The following ERCC6L2 variants were observed in gnomAD, a reference collection of about 807,000 sequenced individuals.
ERCC6L2 encodes DNA excision repair protein ERCC-6-like 2.
In ERCC6L2, 77 loss-of-function variants were observed where a neutral mutation model predicts 132.0. That is an observed-to-expected ratio of 0.58 (90% CI 0.49 to 0.71). The LOEUF is 0.71. Ranked by LOEUF, ERCC6L2 falls within the 30% of genes least tolerant of loss-of-function variation. The pLI, the probability that ERCC6L2 is intolerant of heterozygous loss-of-function variation, is 0.00. For missense variants in ERCC6L2, 1,542 were observed against 1,837.6 expected, an observed-to-expected ratio of 0.84 and a Z score of 2.94; for synonymous variants, 583 against 632.4, an observed-to-expected ratio of 0.92 and a Z score of 1.17.
chr9:96,026,984 C>T (rs539922038), intron 19 of ERCC6L2, among the ~76,000 whole-genome samples: 4 of 149,646 alleles, frequency 2.7e-5, no homozygotes, highest in African/African-American at 9.9e-5. Flanking sequence ...ACACACCACA[C>T]ACACACCACA....
intron 19 of ERCC6L2, among the ~76,000 whole-genome samples, chr9:96,026,259 G>A (rs1427687095): frequency 6.6e-6 from 1 of 152,228 alleles, no homozygotes; most frequent in Admixed American, 6.5e-5. Flanking sequence ...TCTGCTGACG[G>A]GAACAGGCTC....
chr9:95,888,722 A>G (rs1255339902), intron 2 of ERCC6L2, among the ~76,000 whole-genome samples: 1 of 152,046 alleles, frequency 6.6e-6, no homozygotes, highest in African/African-American at 2.4e-5. Flanking sequence ...ATGTCAGTGG[A>G]GCTTGTGACT....
chr9:95,906,546 G>A, intron 3 of ERCC6L2: 5 of 427,438 alleles, frequency 1.2e-5, no homozygotes, highest in Non-Finnish European at 2.3e-5. Flanking sequence ...ACTGAGAGAA[G>A]TTCATCCAGG....
intron 6 of ERCC6L2, among the ~76,000 whole-genome samples, chr9:95,916,942 C>T (rs1314793596): frequency 6.6e-6 from 1 of 152,096 alleles, no homozygotes; most frequent in Non-Finnish European, 1.5e-5. Flanking sequence ...GCCTCGGTCT[C>T]CCAAAGTACT....
intron 13 of ERCC6L2, among the ~76,000 whole-genome samples, chr9:95,965,868 T>A (rs1263584667): frequency 6.6e-6 from 1 of 152,230 alleles, no homozygotes; most frequent in African/African-American, 2.4e-5. Flanking sequence ...TTTTCCATTC[T>A]GTGCATTCTT....
intron 4 of ERCC6L2, among the ~76,000 whole-genome samples, chr9:95,912,859 CTG>C (rs1244132293): frequency 6.6e-6 from 1 of 152,156 alleles, no homozygotes; most frequent in African/African-American, 2.4e-5. Flanking sequence ...CATCTGTCAT[CTG>C]TATTTTAGTA....
At chr9:95,898,852 A>C (rs1217181636) in intron 3 of ERCC6L2, among the ~76,000 whole-genome samples, 1 of 152,180 alleles carries the variant, frequency 6.6e-6, no homozygotes, top group African/African-American at 2.4e-5. Flanking sequence ...TTTCAGAACT[A>C]CTGGCTTAAG....
chr9:95,975,899 C>G (rs573320695), intron 16 of ERCC6L2, among the ~76,000 whole-genome samples: 7 of 152,092 alleles, frequency 4.6e-5, no homozygotes, highest in South Asian at 2.1e-4. Flanking sequence ...CTAAGTCTTT[C>G]CTAAGTTCTT....
At chr9:95,907,304 A>G (rs1195238411) in intron 4 of ERCC6L2, 33 bp downstream of exon 4, 4 of 1,307,210 alleles carry the variant, frequency 3.1e-6, no homozygotes, top group Admixed American at 2.2e-5. Flanking sequence ...GAATGATTGT[A>G]TTAATAGTCT....
chr9:95,904,724 C>T (rs1172611218), intron 3 of ERCC6L2, among the ~76,000 whole-genome samples: 2 of 152,096 alleles, frequency 1.3e-5, no homozygotes, highest in African/African-American at 2.4e-5. Flanking sequence ...AAAATTGTCA[C>T]GTTAATCTTT....
intron 14 of ERCC6L2, chr9:95,968,339 A>G (rs1309775297): frequency 6.6e-6 from 1 of 152,160 alleles, no homozygotes; most frequent in East Asian, 1.9e-4. Context: ...AAGGGGTGAC[A>G]AGGCCATCCA....
intron 13 of ERCC6L2, among the ~76,000 whole-genome samples, chr9:95,956,506 T>C (rs763441460): frequency 1.3e-5 from 2 of 152,154 alleles, no homozygotes; most frequent in Non-Finnish European, 2.9e-5. Context: ...TTCATTCTCA[T>C]GCTGCCATAA....
chr9:95,941,596 T>TA, intron 12 of ERCC6L2, 47 bp downstream of exon 12: 1 of 1,363,288 alleles, frequency 7.3e-7, no homozygotes, highest in Middle Eastern at 1.8e-4. Flanking sequence ...ACTTTTAATC[T>TA]AAAAATACTC....
chr9:95,879,581 A>G (rs1827481011), intron 1 of ERCC6L2, among the ~76,000 whole-genome samples: 1 of 152,082 alleles, frequency 6.6e-6, no homozygotes, highest in African/African-American at 2.4e-5. Flanking sequence ...ACATTAAAAC[A>G]CTCTTTTAGA....
At chr9:96,028,827 A>G (rs1380378319) in intron 19 of ERCC6L2, among the ~76,000 whole-genome samples, 1 of 152,240 alleles carries the variant, frequency 6.6e-6, no homozygotes, top group Admixed American at 6.5e-5. Context: ...ATGGATAAGT[A>G]TACGTCATAT....
chr9:95,950,624 G>A (rs1458789429), intron 12 of ERCC6L2, among the ~76,000 whole-genome samples: 1 of 152,104 alleles, frequency 6.6e-6, no homozygotes, highest in Non-Finnish European at 1.5e-5. Flanking sequence ...AATATACACA[G>A]GTTGAAAATA....
At position 96,025,202 on chromosome 9, in the gene ERCC6L2, T is replaced by C. The variant is rs1834344598; in HGVS notation, c.*1504-13674T>C. Among the ~76,000 whole-genome samples, 3 of 152,138 alleles carry C rather than the reference T, an allele frequency of 2.0e-5. No homozygotes were observed. In the South Asian group the frequency reaches 6.2e-4, roughly 32 times the overall value. On this transcript the variant is annotated intron_variant and NMD_transcript_variant, in intron 19 of 20. Coordinates refer to the ERCC6L2 transcript ENST00000670016. ...GGCTGGTTTCAGGTGTGGCGTGGTG[T>C]CGAAGCTCAAGGGACACCACCCACA...
At chr9:95,876,767 A>G (rs1031367728) in intron 1 of ERCC6L2, 1 of 152,216 alleles carries the variant, frequency 6.6e-6, no homozygotes, top group African/African-American at 2.4e-5. Flanking sequence ...TTTGAGGAAG[A>G]TATCGATCTC....
intron 20 of ERCC6L2, among the ~76,000 whole-genome samples, chr9:96,039,270 C>G (rs911476989): frequency 6.6e-6 from 1 of 152,096 alleles, no homozygotes; most frequent in Non-Finnish European, 1.5e-5. Context: ...GTTGGGCAGG[C>G]GAGCCCCAGC....
Sources: gnomAD v4.1 joint callset for allele counts (sites outside exome capture counted in the v4.1 genomes callset) on GRCh38, gnomAD v4.1.1 for gene constraint, MANE v1.5 for transcripts, NCBI Gene and HGNC (gene_info 2026-07-23, HGNC 2026-07-21) for gene names.